The following SLC6A11 variants were observed in gnomAD, a reference collection of about 807,000 sequenced individuals.
SLC6A11 encodes the protein solute carrier family 6 member 11.
In SLC6A11, 25 loss-of-function variants were observed where a neutral mutation model predicts 74.8. The observed-to-expected ratio is 0.33, with a 90% CI of 0.24 to 0.47. The LOEUF is 0.47. Ranked by LOEUF, SLC6A11 falls within the 20% of genes least tolerant of loss-of-function variation. The pLI, the probability that SLC6A11 is intolerant of heterozygous loss-of-function variation, is 1.00. For synonymous variants in SLC6A11, 330 were observed against 330.2 expected (o/e 1.00, Z 0.01); for missense variants, 574 against 837.0 (o/e 0.69, Z 3.88).
rs1339613460 is a variant in SLC6A11, at chr3:10,915,574, G to C, written c.996-2755G>C. On this transcript the variant is annotated intron_variant, in intron 7 of 13. Coordinates refer to ENST00000254488, the MANE Select transcript of SLC6A11 (RefSeq NM_014229.3). This position sits in a 1 kb window ranked among gnomAD's most constrained non-coding sequence, Gnocchi z 4.3. ...ATAAGCGTTTTACCTAGACGTGGGA[G>C]CTGGGGAAGGAATTAGAGGGATGGA... Among the ~76,000 whole-genome samples the C allele has an allele frequency of 1.3e-5, 2 of 152,164 alleles. No homozygotes were observed. The highest frequency in any genetic ancestry group is 2.4e-5 in the African/African-American group (1 of 41,432).
intron 6 of SLC6A11, among the ~76,000 whole-genome samples, chr3:10,906,045 T>G (rs549726850): frequency 6.6e-6 from 1 of 152,172 alleles, no homozygotes; most frequent in African/African-American, 2.4e-5. Context: ...TCTCACTTGA[T>G]GTCTCAAACT....
intron 6 of SLC6A11, among the ~76,000 whole-genome samples, chr3:10,898,948 A>C (rs1245644703): frequency 6.6e-6 from 1 of 152,252 alleles, no homozygotes; most frequent in South Asian, 2.1e-4. Context: ...CAATCATGGC[A>C]GAAAATGAAA....
chr3:10,827,609 C>A (rs1367155050), intron 4 of SLC6A11, among the ~76,000 whole-genome samples: 1 of 152,192 alleles, frequency 6.6e-6, no homozygotes, highest in Admixed American at 6.5e-5. Context: ...AAGTAGACTG[C>A]CTAGGCTGTC....
chr3:10,910,356 A>G (rs1222287534), intron 6 of SLC6A11, among the ~76,000 whole-genome samples: 1 of 152,202 alleles, frequency 6.6e-6, no homozygotes, highest in Admixed American at 6.5e-5. Flanking sequence ...TCTGGGGTCC[A>G]GTGGGCATGA....
At chr3:10,876,083 T>A (rs1575685689) in intron 6 of SLC6A11, among the ~76,000 whole-genome samples, 2 of 152,340 alleles carry the variant, frequency 1.3e-5, no homozygotes, top group East Asian at 3.9e-4. Context: ...TGCAAGAAGT[T>A]TCAAGTCTGC....
chr3:10,829,699 C>A (rs1385736519), intron 4 of SLC6A11, among the ~76,000 whole-genome samples: 1 of 152,170 alleles, frequency 6.6e-6, no homozygotes, highest in African/African-American at 2.4e-5. Flanking sequence ...AACGTACCCA[C>A]CCCTTAGGCT....
At chr3:10,838,131 G>C (rs1694390497) in intron 4 of SLC6A11, among the ~76,000 whole-genome samples, 1 of 152,206 alleles carries the variant, frequency 6.6e-6, no homozygotes. Flanking sequence ...TGAAGATGAG[G>C]CCACCCCAGG....
chr3:10,844,101 C>T (rs1694472129), intron 4 of SLC6A11, 113 bp from the exon 5 acceptor site: 11 of 1,310,304 alleles, frequency 8.4e-6, no homozygotes, highest in Middle Eastern at 5.2e-4. Flanking sequence ...ATTTGGCCCA[C>T]GGTGGACGTG....
At chr3:10,888,838 T>A (rs1001460238) in intron 6 of SLC6A11, among the ~76,000 whole-genome samples, 1 of 152,178 alleles carries the variant, frequency 6.6e-6, no homozygotes, top group Admixed American at 6.5e-5. Flanking sequence ...ATCCACCAAA[T>A]ATTTGTTGAG....
At chr3:10,886,562 C>T (rs1358971282) in intron 6 of SLC6A11, among the ~76,000 whole-genome samples, 1 of 152,248 alleles carries the variant, frequency 6.6e-6, no homozygotes. Context: ...AATTCCAACA[C>T]TTTGGGAGGC....
chr3:10,894,825 T>G (rs1426120360), intron 6 of SLC6A11, among the ~76,000 whole-genome samples: 1 of 152,230 alleles, frequency 6.6e-6, no homozygotes, highest in Non-Finnish European at 1.5e-5. Flanking sequence ...ACCAAGGCAA[T>G]GCATATGTTA....
intron 6 of SLC6A11, among the ~76,000 whole-genome samples, chr3:10,907,707 A>G (rs1208404690): frequency 6.6e-6 from 1 of 152,220 alleles, no homozygotes; most frequent in East Asian, 1.9e-4. Context: ...CCAGAAGGCA[A>G]CTAAGCAATA....
intron 10 of SLC6A11, among the ~76,000 whole-genome samples, chr3:10,929,871 C>A (rs1467432789): frequency 6.6e-6 from 1 of 152,124 alleles, no homozygotes; most frequent in African/African-American, 2.4e-5. Context: ...TTCTCCATGA[C>A]CTCCAAATTA....
intron 4 of SLC6A11, among the ~76,000 whole-genome samples, chr3:10,827,566 A>G (rs1339155464): frequency 2.0e-5 from 3 of 152,162 alleles, no homozygotes; most frequent in African/African-American, 4.8e-5. Flanking sequence ...CTCCAACTCC[A>G]GGGACTTCAG....
chr3:10,911,346 GA>G (rs1695386046), intron 6 of SLC6A11, among the ~76,000 whole-genome samples: 1 of 152,232 alleles, frequency 6.6e-6, no homozygotes, highest in East Asian at 1.9e-4. Context: ...GGAGCCCGGG[GA>G]AAGTGTTCGA....
At chr3:10,901,068 C>G (rs1200666651) in intron 6 of SLC6A11, among the ~76,000 whole-genome samples, 2 of 152,210 alleles carry the variant, frequency 1.3e-5, no homozygotes, top group African/African-American at 2.4e-5. Flanking sequence ...TCAAGAGCCT[C>G]CCCTTTAAGG....
chr3:10,875,156 G>T, intron 6 of SLC6A11, 61 bp downstream of exon 6: 1 of 1,436,678 alleles, frequency 7.0e-7, no homozygotes, highest in Non-Finnish European at 9.3e-7. Context: ...CTTCTGCAGA[G>T]CCCCTGCCAC....
intron 13 of SLC6A11, 123 bp from the exon 14 acceptor site, chr3:10,938,127 C>A (rs546447672): frequency 6.5e-6 from 6 of 926,916 alleles, no homozygotes; most frequent in Non-Finnish European, 9.5e-6. Flanking sequence ...AGCTGGGGCC[C>A]GGACCTTGGT....
In SLC6A11 at chr3:10,875,592, A is replaced by G. The variant is rs1026181828; in HGVS notation, c.891+497A>G. Among the ~76,000 whole-genome samples the G allele has an allele frequency of 2.0e-5, 3 of 152,250 alleles. No homozygotes were observed. In the South Asian group the frequency reaches 6.2e-4, roughly 31 times the overall value. ...ATCTCTGCAGTAGTGCATCTTGGTGAGAGAAACTGGGTCTTTGTTCATGAT... is the reference window on the plus strand; with the variant it reads ...ATCTCTGCAGTAGTGCATCTTGGTGGGAGAAACTGGGTCTTTGTTCATGAT... On this transcript the variant is annotated intron_variant, in intron 6 of 13. Coordinates refer to ENST00000254488, the MANE Select transcript of SLC6A11 (RefSeq NM_014229.3).
Sources: allele counts gnomAD v4.1 joint callset (sites outside exome capture counted in the v4.1 genomes callset), GRCh38; gene constraint gnomAD v4.1.1; non-coding constraint Gnocchi (gnomAD v3.1); transcripts MANE v1.5; gene names NCBI Gene and HGNC (gene_info 2026-07-23, HGNC 2026-07-21).